Variants in CDH18 observed in about 807,000 individuals in gnomAD.
The protein encoded by CDH18 is cadherin 18.
A neutral mutation model predicts 67.9 loss-of-function variants in CDH18; 31 were observed. The observed-to-expected ratio is 0.46, with a 90% CI of 0.34 to 0.62. The LOEUF (loss-of-function observed/expected upper bound fraction) is 0.62, where lower values mean the gene tolerates loss of function less well. Among genes scored for constraint, CDH18 ranks in the 20% least tolerant of loss-of-function variants. CDH18 has a pLI of 0.01. For missense variants in CDH18, 890 were observed against 975.5 expected, an observed-to-expected ratio of 0.91 and a Z score of 1.17; for synonymous variants, 362 against 347.2, an observed-to-expected ratio of 1.04 and a Z score of -0.48.
At chr5:20,332,123 T>C (rs888009327) in intron 1 of CDH18, among the ~76,000 whole-genome samples, 2 of 152,032 alleles carry the variant, frequency 1.3e-5, no homozygotes, top group African/African-American at 2.4e-5. Flanking sequence ...TTAGTTGATG[T>C]CTATAAAAAA....
intron 2 of CDH18, among the ~76,000 whole-genome samples, chr5:20,234,005 T>C (rs1394428611): frequency 6.6e-6 from 1 of 152,104 alleles, no homozygotes; most frequent in African/African-American, 2.4e-5. Context: ...TCTCTGTTTC[T>C]CTCTTTTTTC....
intron 5 of CDH18, among the ~76,000 whole-genome samples, chr5:19,720,614 C>A (rs912994912): frequency 6.6e-6 from 1 of 151,986 alleles, no homozygotes; most frequent in African/African-American, 2.4e-5. Context: ...TATTAAGCAG[C>A]CTTCATTACC....
intron 2 of CDH18, among the ~76,000 whole-genome samples, chr5:20,061,967 C>T (rs985365788): frequency 2.0e-5 from 3 of 151,980 alleles, no homozygotes; most frequent in Non-Finnish European, 2.9e-5. Flanking sequence ...CACACACTGT[C>T]CTAAGTGCAT....
At chr5:19,721,522 T>C in intron 4 of CDH18, 56 bp from the exon 5 acceptor site, 4 of 1,545,792 alleles carry the variant, frequency 2.6e-6, no homozygotes, top group Middle Eastern at 1.8e-4. Context: ...ATATGATTAA[T>C]TTGAACACAG....
At chr5:19,948,152 T>C (rs1053681110) in intron 2 of CDH18, among the ~76,000 whole-genome samples, 1 of 152,168 alleles carries the variant, frequency 6.6e-6, no homozygotes, top group African/African-American at 2.4e-5. Context: ...GGATCATTCA[T>C]GTGTTACTGG....
intron 2 of CDH18, among the ~76,000 whole-genome samples, chr5:19,843,861 T>G (rs755295649): frequency 6.6e-6 from 1 of 152,232 alleles, no homozygotes; most frequent in Non-Finnish European, 1.5e-5. Flanking sequence ...ATTTAATGAC[T>G]GTCCCGCTAG....
At chr5:19,618,201 A>G (rs1750140364) in intron 5 of CDH18, among the ~76,000 whole-genome samples, 1 of 151,076 alleles carries the variant, frequency 6.6e-6, no homozygotes, top group African/African-American at 2.4e-5. Context: ...ACTTCTGCTT[A>G]TTTTTCTTTC....
intron 1 of CDH18, among the ~76,000 whole-genome samples, chr5:20,276,066 A>C (rs1209847956): frequency 6.6e-6 from 1 of 152,174 alleles, no homozygotes; most frequent in African/African-American, 2.4e-5. Flanking sequence ...CCATGCGATA[A>C]ATTGCTCTGA....
At chr5:20,307,034 G>A (rs1736527918) in intron 1 of CDH18, among the ~76,000 whole-genome samples, 1 of 151,966 alleles carries the variant, frequency 6.6e-6, no homozygotes, top group Admixed American at 6.6e-5. Flanking sequence ...GAAAATACAG[G>A]ACATATTAAG....
At chr5:20,264,393 C>T (rs1744880429) in intron 1 of CDH18, among the ~76,000 whole-genome samples, 3 of 151,962 alleles carry the variant, frequency 2.0e-5, no homozygotes, top group African/African-American at 7.3e-5. Flanking sequence ...CAAATCATTA[C>T]AAGTTGTGAA....
chr5:20,020,236 C>T (rs1159021697), intron 2 of CDH18, among the ~76,000 whole-genome samples: 1 of 152,096 alleles, frequency 6.6e-6, no homozygotes, highest in Non-Finnish European at 1.5e-5. Flanking sequence ...AAAAGGGAAG[C>T]AGAGCATAAA....
intron 1 of CDH18, among the ~76,000 whole-genome samples, chr5:20,439,740 A>T (rs191983086): frequency 0.022 from 3,387 of 151,832 alleles, 49 homozygotes; most frequent in Admixed American, 0.033. Context: ...TAACAATATA[A>T]TTTTTAAACG....
chr5:20,187,229 A>T (rs967447797), intron 2 of CDH18, among the ~76,000 whole-genome samples: 1 of 151,868 alleles, frequency 6.6e-6, no homozygotes, highest in Non-Finnish European at 1.5e-5. Context: ...GCTTCATAAC[A>T]GGGTAAATGT....
chr5:20,185,937 T>C (rs1738065655), intron 2 of CDH18, among the ~76,000 whole-genome samples: 1 of 151,832 alleles, frequency 6.6e-6, no homozygotes, highest in African/African-American at 2.4e-5. Context: ...AGAAATACTT[T>C]CTGAAGAAGA....
At chr5:19,679,675 T>C (rs6892669) in intron 5 of CDH18, among the ~76,000 whole-genome samples, 31,993 of 151,844 alleles carry the variant, frequency 0.21, 3,927 homozygotes, top group Non-Finnish European at 0.26. Context: ...AAATGAATAA[T>C]GCAATCCCAT....
In CDH18 at chr5:20,473,822, T is replaced by A. The variant is rs1362963305; in HGVS notation, c.-580+101640A>T. The stretch of plus-strand genomic sequence containing the variant: ...TTGATAATAGCATCTTAACATCAGA[T>A]AATCTTATTTTTCAAAATCAATAGA... On this transcript the variant is annotated intron_variant, in intron 1 of 14. Coordinates refer to the CDH18 transcript ENST00000507958. Among the ~76,000 whole-genome samples, 3 of 152,148 alleles carry A rather than the reference T, an allele frequency of 2.0e-5. No homozygotes were observed. In the East Asian group the frequency reaches 5.8e-4, roughly 29 times the overall value.
intron 2 of CDH18, among the ~76,000 whole-genome samples, chr5:20,068,024 T>A (rs930125683): frequency 5.9e-5 from 9 of 152,180 alleles, no homozygotes; most frequent in African/African-American, 2.2e-4. Context: ...TTTATCTCGT[T>A]TACCTTTTAT....
intron 2 of CDH18, among the ~76,000 whole-genome samples, chr5:20,054,216 T>C (rs1275840245): frequency 3.3e-5 from 5 of 152,114 alleles, no homozygotes; most frequent in Non-Finnish European, 5.9e-5. Flanking sequence ...ATAAGGTACA[T>C]AGCATATGTT....
chr5:20,286,640 G>C (rs909692420), intron 1 of CDH18, among the ~76,000 whole-genome samples: 2 of 151,730 alleles, frequency 1.3e-5, no homozygotes, highest in Non-Finnish European at 3.0e-5. Context: ...TGTGACCTAT[G>C]CTAACAAAAT....
Sources: allele counts gnomAD v4.1 joint callset (sites outside exome capture counted in the v4.1 genomes callset), GRCh38; gene constraint gnomAD v4.1.1; transcripts MANE v1.5; gene names NCBI Gene and HGNC (gene_info 2026-07-23, HGNC 2026-07-21).